The following ZNF664 variants were observed in gnomAD, a reference collection of about 807,000 sequenced individuals.
ZNF664 encodes the protein zinc finger protein 664.
Under a neutral mutation model 18.2 loss-of-function variants are expected in ZNF664, and 10 were observed. The observed-to-expected ratio is 0.55, with a 90% CI of 0.34 to 0.93. ZNF664 has a LOEUF of 0.93. Among genes scored for constraint, ZNF664 ranks in the 40% least tolerant of loss-of-function variants. The pLI is 0.02. For missense variants in ZNF664, 193 were observed against 319.0 expected, an observed-to-expected ratio of 0.61 and a Z score of 3.01; for synonymous variants, 119 against 104.2, an observed-to-expected ratio of 1.14 and a Z score of -0.86.
At chr12:123,973,859 C>G (rs1956637982) in intron 1 of ZNF664, 27 bp from the exon 2 acceptor site, 1 of 1,231,590 alleles carries the variant, frequency 8.1e-7, no homozygotes, top group Non-Finnish European at 1.0e-6. Context: ...GAGGAGCCGG[C>G]TGCATGGGGT....
intron 3 of ZNF664, among the ~76,000 whole-genome samples, chr12:124,002,131 A>G (rs12310367): frequency 0.32 from 49,266 of 152,118 alleles, 8,171 homozygotes; most frequent in Middle Eastern, 0.37. Context: ...GCCGCTTTCT[A>G]GGAAGACAAC....
chr12:124,008,845 A>G (rs990817642), intron 3 of ZNF664, among the ~76,000 whole-genome samples: 3 of 151,954 alleles, frequency 2.0e-5, no homozygotes, highest in Non-Finnish European at 4.4e-5. Context: ...CTGGCATAAC[A>G]GGATGTCCCA....
chr12:124,003,139 A>T lies in ZNF664; in HGVS notation c.-660-8242A>T, dbSNP rs115737746. On this transcript the variant is annotated intron_variant, in intron 3 of 4. Coordinates refer to ENST00000337815, the MANE Select transcript of ZNF664 (RefSeq NM_152437.3). ...GCAGGGGTGGGGCTGTGGTATCCAA[A>T]ACAATTTTAAGAAGGAAGATACTAG... Among the ~76,000 whole-genome samples the T allele has an allele frequency of 1.7e-3, 264 of 152,314 alleles. 2 individuals carry two copies. The highest frequency in any genetic ancestry group is 6.0e-3 in the African/African-American group (251 of 41,558).
chr12:124,004,664 G>A (rs888486343), intron 3 of ZNF664, among the ~76,000 whole-genome samples: 2 of 152,130 alleles, frequency 1.3e-5, no homozygotes, highest in African/African-American at 4.8e-5. Context: ...GGTGAGTGGT[G>A]GGAAGAAAGC....
Position 123,974,016 on chromosome 12 carries a change from C to G in ZNF664, c.-761C>G. 1 of 1,231,932 alleles carries G rather than the reference C, an allele frequency of 8.1e-7. No individual in the cohort carries two copies. 76.3% of individuals were successfully genotyped at this position (1,231,932 alleles called of 1,614,324 possible). A position where few individuals can be genotyped will look rare whatever the true frequency, so the allele number is the denominator to read the frequency against. On this transcript the variant is annotated 5_prime_UTR_variant, in exon 2 of 5. Transcript: ENST00000337815. ...GACCACAACAAGGGCCGGATTCTCACCCAGGTAAACCGGCTGCCGGCGCTG... is the reference window on the plus strand; with the variant it reads ...GACCACAACAAGGGCCGGATTCTCAGCCAGGTAAACCGGCTGCCGGCGCTG...
Position 124,011,764 on chromosome 12 carries a change from G to T in ZNF664, c.-381G>T. The T allele has an allele frequency of 9.3e-7, 1 of 1,076,668 alleles. No homozygotes were observed. The highest frequency in any genetic ancestry group is 1.1e-6 in the Non-Finnish European group (1 of 891,932). 66.7% of individuals were successfully genotyped at this position (1,076,668 alleles called of 1,614,324 possible). A position where few individuals can be genotyped will look rare whatever the true frequency, so the allele number is the denominator to read the frequency against. On this transcript the variant is annotated 5_prime_UTR_variant, in exon 5 of 5. Transcript: ENST00000337815. Reference sequence around the variant, plus strand: ...ACTGTACAGTCCTTTTTCTAGAAGTGAGACATACAAGATTACTCTACAAGA... The same window carrying T: ...ACTGTACAGTCCTTTTTCTAGAAGTTAGACATACAAGATTACTCTACAAGA...
intron 2 of ZNF664, among the ~76,000 whole-genome samples, chr12:123,983,077 G>C (rs190967823): frequency 6.6e-6 from 1 of 152,264 alleles, no homozygotes; most frequent in Admixed American, 6.5e-5. Flanking sequence ...ATCACTGGAA[G>C]GCAGGGCTGT....
At chr12:123,983,346 C>T (rs937373151) in intron 2 of ZNF664, among the ~76,000 whole-genome samples, 6 of 152,188 alleles carry the variant, frequency 3.9e-5, no homozygotes, top group African/African-American at 7.2e-5. Flanking sequence ...TGCTTTTTAA[C>T]GCTAAAACAT....
intron 3 of ZNF664, among the ~76,000 whole-genome samples, chr12:124,005,524 T>TGTGA (rs137963321): frequency 0.11 from 16,831 of 146,568 alleles, 1,021 homozygotes; most frequent in Middle Eastern, 0.14. Context: ...TGTGTGTGTG[T>TGTGA]GAGAGATAGG....
intron 2 of ZNF664, among the ~76,000 whole-genome samples, chr12:123,987,296 C>T (rs1956836919): frequency 6.6e-6 from 1 of 152,180 alleles, no homozygotes; most frequent in Admixed American, 6.5e-5. Flanking sequence ...TCATAACTCC[C>T]AGGGGAAAGT....
chr12:123,986,837 C>T (rs1275961551), intron 2 of ZNF664, among the ~76,000 whole-genome samples: 1 of 152,182 alleles, frequency 6.6e-6, no homozygotes, highest in African/African-American at 2.4e-5. Flanking sequence ...AAACCTGGCC[C>T]AATATCAAGA....
intron 2 of ZNF664, 183 bp downstream of exon 2, chr12:123,974,203 C>G (rs1956650593): frequency 2.4e-6 from 1 of 420,288 alleles, no homozygotes; most frequent in Non-Finnish European, 4.0e-6. Context: ...CTCATTTCCC[C>G]CAGAACTCAG....
intron 2 of ZNF664, among the ~76,000 whole-genome samples, chr12:123,981,268 G>A (rs1956762217): frequency 1.3e-5 from 2 of 152,090 alleles, no homozygotes; most frequent in African/African-American, 4.8e-5. Context: ...TACTATAGTT[G>A]GGAATTGGCT....
rs1358778888 is a variant in ZNF664, at chr12:124,008,746, A to G, written c.-660-2635A>G. The stretch of plus-strand genomic sequence containing the variant: ...TGAGCTCCTGGGGTTTGTATATTGA[A>G]TGCGTCTCACTCAATTGCCTTTCTT... On this transcript the variant is annotated intron_variant, in intron 3 of 4. Transcript: ENST00000337815. Among the ~76,000 whole-genome samples, 2 of 152,098 alleles carry G rather than the reference A, an allele frequency of 1.3e-5. 1 individual carries two copies. Among genetic ancestry groups the G allele is most frequent in the Non-Finnish European group, 2.9e-5 (2 of 68,014 alleles).
In ZNF664 at chr12:123,982,502, C is replaced by G. The variant is rs1243315407; in HGVS notation, c.-756-5541C>G. On this transcript the variant is annotated intron_variant, in intron 2 of 4. Transcript: ENST00000337815. Reference sequence around the variant, plus strand: ...AATAACACGTGACCCCAGGTGGTCACTCTGGAAGGCCATTCTGAAACTCTA... The same window carrying G: ...AATAACACGTGACCCCAGGTGGTCAGTCTGGAAGGCCATTCTGAAACTCTA... Among the ~76,000 whole-genome samples, 3 of 152,294 alleles carry G rather than the reference C, an allele frequency of 2.0e-5. No individual in the cohort carries two copies. In the South Asian group the frequency reaches 6.2e-4, roughly 32 times the overall value.
intron 3 of ZNF664, among the ~76,000 whole-genome samples, chr12:123,994,204 T>A (rs192691403): frequency 8.7e-4 from 132 of 152,296 alleles, no homozygotes; most frequent in Non-Finnish European, 1.1e-3. Flanking sequence ...TTTGCATACT[T>A]TCAGTCTTCA....
chr12:123,994,915 G>A (rs929382602), intron 3 of ZNF664, among the ~76,000 whole-genome samples: 2 of 152,226 alleles, frequency 1.3e-5, no homozygotes, highest in African/African-American at 4.8e-5. Context: ...AGAACATGTT[G>A]AGAAGGAGGA....
rs571833188 is a variant in ZNF664, at chr12:123,991,878, A to G, written c.-661+3740A>G. Among the ~76,000 whole-genome samples, 3 of 152,354 alleles carry G rather than the reference A, an allele frequency of 2.0e-5. No individual in the cohort carries two copies. The South Asian group carries it at 6.2e-4, about 32-fold the overall frequency. On this transcript the variant is annotated intron_variant, in intron 3 of 4. Transcript: ENST00000337815. ...CAGAAAACTTGGCATCATTCCCTTG[A>G]TAACTTTTGTTGCCCTTCTCTGGAC...
rs1957135129 is a variant in ZNF664 at position 124,011,444 on chromosome 12, TTG to T, written c.-600+7_-600+8del. The stretch of plus-strand genomic sequence containing the variant: ...GAGCTTCTTCAAGACCAAAAAAGGT[TTG>T]TGTTACTGCTGTCACATTTATATAA... On this transcript the variant is annotated splice_donor_5th_base_variant and intron_variant, in intron 4 of 4. Coordinates refer to ENST00000337815, the MANE Select transcript of ZNF664 (RefSeq NM_152437.3). 2 of 801,610 alleles carry T rather than the reference TTG, an allele frequency of 2.5e-6. No homozygotes were observed. Among genetic ancestry groups the T allele is most frequent in the Admixed American group, 6.7e-5 (1 of 14,928 alleles). 49.7% of individuals were successfully genotyped at this position (801,610 alleles called of 1,614,324 possible).
Sources: allele counts gnomAD v4.1 joint callset (sites outside exome capture counted in the v4.1 genomes callset), GRCh38; gene constraint gnomAD v4.1.1; transcripts MANE v1.5; gene names NCBI Gene and HGNC (gene_info 2026-07-23, HGNC 2026-07-21).